APBB2: variants seen among roughly 807,000 people sequenced by gnomAD.
APBB2 encodes amyloid beta precursor protein binding family B member 2.
In APBB2, 38 loss-of-function variants were observed where a neutral mutation model predicts 82.5. The observed-to-expected ratio is 0.46, with a 90% CI of 0.36 to 0.60. The LOEUF (loss-of-function observed/expected upper bound fraction) is 0.60, where lower values mean the gene tolerates loss of function less well. Ranked by LOEUF, APBB2 falls within the 20% of genes least tolerant of loss-of-function variation. APBB2 has a pLI of 0.00. For missense variants in APBB2, 772 were observed against 972.3 expected (o/e 0.79, Z 2.74); for synonymous variants, 341 against 368.2 (o/e 0.93, Z 0.85).
At chr4:40,820,599 A>T (rs1162526101) in intron 17 of APBB2, among the ~76,000 whole-genome samples, 1 of 152,088 alleles carries the variant, frequency 6.6e-6, no homozygotes, top group Non-Finnish European at 1.5e-5. Context: ...CAGGAGGCGA[A>T]GGTTGCAGTG....
chr4:40,853,537 C>T (rs550408578), intron 12 of APBB2, among the ~76,000 whole-genome samples: 21 of 152,026 alleles, frequency 1.4e-4, no homozygotes, highest in Non-Finnish European at 3.1e-4. Flanking sequence ...GCAACCTCCG[C>T]CTCCTGGGTT....
intron 6 of APBB2, among the ~76,000 whole-genome samples, chr4:40,974,855 G>T (rs1796767809): frequency 6.6e-6 from 1 of 152,172 alleles, no homozygotes; most frequent in African/African-American, 2.4e-5. Context: ...ATGCCGAGGG[G>T]CATGTGCATT....
At chr4:40,982,777 AC>A (rs1375851741) in intron 6 of APBB2, among the ~76,000 whole-genome samples, 1 of 134,446 alleles carries the variant, frequency 7.4e-6, no homozygotes, top group Non-Finnish European at 1.7e-5. Flanking sequence ...GGCAACAGAG[AC>A]CCTGTCTCAA....
At chr4:40,934,399 A>G in intron 10 of APBB2, 57 bp downstream of exon 10, 1 of 1,528,130 alleles carries the variant, frequency 6.5e-7, no homozygotes, top group Non-Finnish European at 9.1e-7. Context: ...AATGATCCAA[A>G]GTCATTATTT....
chr4:40,843,097 C>A (rs1011042668), intron 12 of APBB2, among the ~76,000 whole-genome samples: 2 of 152,220 alleles, frequency 1.3e-5, no homozygotes, highest in African/African-American at 4.8e-5. Context: ...AATCCCCTGA[C>A]CCATGGTGCT....
intron 6 of APBB2, among the ~76,000 whole-genome samples, chr4:41,008,300 C>G (rs557603935): frequency 1.1e-4 from 16 of 152,336 alleles, no homozygotes; most frequent in Non-Finnish European, 1.9e-4. Context: ...GGTTATTCAG[C>G]TTCACCTACT....
rs777910826 is a variant in APBB2 at position 40,832,013 on chromosome 4, T to TATACACACACACACACACAC, written c.1530-1437_1530-1436insGTGTGTGTGTGTGTGTGTAT. ...ACACATATTTATATATTTATTTATA[T>TATACACACACACACACACAC]ACACACACACACACACACACACACA... On this transcript the variant is annotated intron_variant, in intron 12 of 17. Coordinates refer to ENST00000508593, the MANE Select transcript of APBB2 (RefSeq NM_004307.2). This position sits in a 1 kb window ranked among gnomAD's most constrained non-coding sequence, Gnocchi z 4.8. 5.2e-3 allele frequency among the ~76,000 whole-genome samples: 728 copies of TATACACACACACACACACAC among 138,952 alleles called. 7 individuals carry two copies. The highest frequency in any genetic ancestry group is 0.011 in the Middle Eastern group (3 of 278). 91.2% of individuals were successfully genotyped at this position (138,952 alleles called of 152,430 possible). A position where few individuals can be genotyped will look rare whatever the true frequency, so the allele number is the denominator to read the frequency against.
At chr4:41,005,780 T>C (rs1806536295) in intron 6 of APBB2, among the ~76,000 whole-genome samples, 1 of 152,230 alleles carries the variant, frequency 6.6e-6, no homozygotes, top group South Asian at 2.1e-4. Flanking sequence ...TGGTTAATTT[T>C]TGAAAAAGAA....
At chr4:41,054,153 A>T (rs1727022388) in intron 4 of APBB2, among the ~76,000 whole-genome samples, 1 of 152,220 alleles carries the variant, frequency 6.6e-6, no homozygotes, top group Admixed American at 6.5e-5. Context: ...CCTCATGGTG[A>T]CATGAAGGCT....
At chr4:40,850,767 C>T (rs529037190) in intron 12 of APBB2, among the ~76,000 whole-genome samples, 46 of 152,112 alleles carry the variant, frequency 3.0e-4, no homozygotes, top group African/African-American at 1.1e-3. Context: ...CACAGTGAGA[C>T]CTCAGCTCTA....
chr4:41,067,508 A>G (rs1365464472), intron 3 of APBB2, among the ~76,000 whole-genome samples: 1 of 152,194 alleles, frequency 6.6e-6, no homozygotes, highest in Non-Finnish European at 1.5e-5. Context: ...CAGCTTGAGA[A>G]AAACATAAAG....
intron 10 of APBB2, among the ~76,000 whole-genome samples, chr4:40,919,686 G>T (rs991748857): frequency 6.6e-6 from 1 of 152,200 alleles, no homozygotes; most frequent in African/African-American, 2.4e-5. Context: ...TGGCAGGACT[G>T]CTGGGACCCA....
At chr4:41,084,152 C>T (rs1261921621) in intron 3 of APBB2, among the ~76,000 whole-genome samples, 4 of 152,118 alleles carry the variant, frequency 2.6e-5, no homozygotes, top group South Asian at 2.1e-4. Context: ...AGGCTGGGCA[C>T]GGTGGCTCAC....
intron 12 of APBB2, chr4:40,880,747 C>A (rs1768234834): frequency 5.1e-6 from 5 of 985,424 alleles, no homozygotes; most frequent in Non-Finnish European, 6.0e-6. Context: ...GAGATGGAAG[C>A]TGTTCGAAGA....
At chr4:41,028,369 G>T (rs1411838196) in intron 5 of APBB2, among the ~76,000 whole-genome samples, 1 of 152,240 alleles carries the variant, frequency 6.6e-6, no homozygotes, top group Non-Finnish European at 1.5e-5. Flanking sequence ...CTAGTGGCTG[G>T]TTCAAGGAAA....
At chr4:41,118,838 C>T (rs1306102244) in intron 2 of APBB2, among the ~76,000 whole-genome samples, 2 of 152,106 alleles carry the variant, frequency 1.3e-5, no homozygotes, top group Admixed American at 6.6e-5. Flanking sequence ...TCTAAAAATG[C>T]TTTAAAAAAA....
At chr4:41,091,384 C>G (rs937694098) in intron 3 of APBB2, among the ~76,000 whole-genome samples, 1 of 152,134 alleles carries the variant, frequency 6.6e-6, no homozygotes, top group African/African-American at 2.4e-5. Flanking sequence ...AGTCACCCCC[C>G]GTTTATTTGC....
At chr4:41,165,966 C>T (rs1186419132) in intron 1 of APBB2, among the ~76,000 whole-genome samples, 5 of 151,340 alleles carry the variant, frequency 3.3e-5, no homozygotes, top group African/African-American at 9.7e-5. Flanking sequence ...CTCCGCCTCC[C>T]GGGTTCACGC....
At chr4:40,868,155 C>G (rs1001221332) in intron 12 of APBB2, among the ~76,000 whole-genome samples, 5 of 152,072 alleles carry the variant, frequency 3.3e-5, no homozygotes, top group African/African-American at 7.3e-5. Flanking sequence ...CCACACCCAG[C>G]TGGTTTTTAA....
Sources: gnomAD v4.1 joint callset for allele counts (sites outside exome capture counted in the v4.1 genomes callset) on GRCh38, gnomAD v4.1.1 for gene constraint, Gnocchi (gnomAD v3.1) non-coding constraint, MANE v1.5 for transcripts, NCBI Gene and HGNC (gene_info 2026-07-23, HGNC 2026-07-21) for gene names.